The following RAB17 variants were observed in gnomAD, a reference collection of about 807,000 sequenced individuals.
RAB17 encodes the protein RAB17, member RAS oncogene family.
Under a neutral mutation model 19.3 loss-of-function variants are expected in RAB17, and 15 were observed. The ratio of observed to expected loss-of-function variants is 0.78; its 90% CI spans 0.52 to 1.20. RAB17 has a LOEUF of 1.20. RAB17 is among the 50% of genes most tolerant of loss of function. The pLI is 0.00. For missense variants in RAB17, 262 were observed against 269.3 expected (o/e 0.97, Z 0.19); for synonymous variants, 110 against 112.8 (o/e 0.97, Z 0.16).
intron 4 of RAB17, 60 bp downstream of exon 4, chr2:237,577,197 A>G (rs1376372611): frequency 1.3e-6 from 2 of 1,560,296 alleles, no homozygotes; most frequent in African/African-American, 1.4e-5. Context: ...AGGTCTTGAC[A>G]CAGGCGGGCA....
At chr2:237,579,289 A>G (rs1329904299) in intron 2 of RAB17, 1 of 152,254 alleles carries the variant, frequency 6.6e-6, no homozygotes, top group Admixed American at 6.5e-5. Context: ...AGGACAGTGC[A>G]TGAGTGTCCT....
At chr2:237,587,953 A>G (rs1240596198) in intron 1 of RAB17, among the ~76,000 whole-genome samples, 1 of 152,214 alleles carries the variant, frequency 6.6e-6, no homozygotes, top group Non-Finnish European at 1.5e-5. Context: ...GGAGCTGGGA[A>G]CAGTGTCTAG....
At chr2:237,586,269 CTCCCAACTCA>C in intron 1 of RAB17, 112 bp from the exon 2 acceptor site, 1 of 1,158,504 alleles carries the variant, frequency 8.6e-7, no homozygotes, top group Non-Finnish European at 1.2e-6. Context: ...CAATACAGAG[CTCCCAACTCA>C]GAGGCCACCT....
rs563786314 is a variant in RAB17, at chr2:237,574,900, T to C, written c.*119A>G. The C allele has an allele frequency of 3.2e-4, 283 of 888,502 alleles. 3 individuals carry two copies. In the South Asian group the frequency reaches 5.1e-3, roughly 16 times the overall value. 55.0% of individuals were successfully genotyped at this position (888,502 alleles called of 1,614,324 possible). On this transcript the variant is annotated 3_prime_UTR_variant, in exon 6 of 6. Transcript: ENST00000264601. ...GTGGTTTTCATAAAGGGGGCCAACT[T>C]CCAGGAACATCTAGGGCTCGGGAGC...
At chr2:237,579,234 T>C (rs2081290254) in intron 2 of RAB17, 1 of 152,220 alleles carries the variant, frequency 6.6e-6, no homozygotes, top group African/African-American at 2.4e-5. Context: ...TTGGGGAGAT[T>C]CTGGCAAATG....
At chr2:237,586,961 A>G (rs2081355557) in intron 1 of RAB17, among the ~76,000 whole-genome samples, 1 of 152,004 alleles carries the variant, frequency 6.6e-6, no homozygotes. Context: ...TTTTCTTTGC[A>G]GTTCATGTGT....
rs1398226853 is a variant in RAB17 at position 237,577,514 on chromosome 2, C to T, written c.310-132G>A. On this transcript the variant is annotated intron_variant, in intron 3 of 5. Coordinates refer to ENST00000264601, the MANE Select transcript of RAB17 (RefSeq NM_022449.4). ...AGAATCCAACTGGCCATGGGCGCAC[C>T]TGCAGGGCTGCTCCGTTCCTCTGAG... 4.8e-6 allele frequency: 5 copies of T among 1,041,588 alleles called. No individual in the cohort carries two copies. The African/African-American group carries it at 6.4e-5, about 13-fold the overall frequency. The allele number at this position is 1,041,588 out of a possible 1,614,324, so 64.5% of individuals were successfully genotyped here. A position where few individuals can be genotyped will look rare whatever the true frequency, so the allele number is the denominator to read the frequency against.
chr2:237,584,489 AGAG>A (rs149314093), intron 2 of RAB17, among the ~76,000 whole-genome samples: 236 of 152,276 alleles, frequency 1.5e-3, no homozygotes, highest in African/African-American at 5.3e-3. Flanking sequence ...TAGAGTGAAT[AGAG>A]GAGGAGGAAC....
chr2:237,586,731 G>C (rs1469594118), intron 1 of RAB17, among the ~76,000 whole-genome samples: 1 of 152,086 alleles, frequency 6.6e-6, no homozygotes, highest in African/African-American at 2.4e-5. Context: ...AAATAAACGT[G>C]GGCGACCCCT....
At chr2:237,575,719 G>T in intron 4 of RAB17, 1 of 508,596 alleles carries the variant, frequency 2.0e-6, no homozygotes, top group Admixed American at 3.3e-5. Context: ...TCCTCCTCCT[G>T]CAGGGCCTGG....
At chr2:237,582,087 C>T (rs1035627996) in intron 2 of RAB17, among the ~76,000 whole-genome samples, 3 of 150,332 alleles carry the variant, frequency 2.0e-5, no homozygotes, top group Admixed American at 7.0e-5. Context: ...CACTTGGACT[C>T]CCGTCCCTCG....
At chr2:237,575,515 A>G (rs1559393270) in intron 4 of RAB17, 35 bp from the exon 5 acceptor site, 2 of 1,514,818 alleles carry the variant, frequency 1.3e-6, no homozygotes, top group African/African-American at 1.4e-5. Context: ...AGCGCTGTTT[A>G]TAAGAGAGTT....
At chr2:237,587,185 TG>T (rs573424218) in intron 1 of RAB17, among the ~76,000 whole-genome samples, 33 of 152,360 alleles carry the variant, frequency 2.2e-4, no homozygotes, top group Non-Finnish European at 4.6e-4. Flanking sequence ...TGTCTTTCTG[TG>T]ATGTTGGCAG....
rs1318033180 is a variant in RAB17, at chr2:237,586,060, T to C, written c.95A>G (p.Lys32Arg). The C allele has an allele frequency of 6.2e-7, 1 of 1,613,672 alleles. No individual in the cohort carries two copies. The change falls in exon 2 of 6, where the codon AAG (lysine) becomes AGG (arginine). Residue 32 changes from lysine (K) to arginine (R), a missense_variant. Coordinates refer to ENST00000264601, the MANE Select transcript of RAB17 (RefSeq NM_022449.4). ...CACGTACCGAAGAGCCAAGCTGGACTTACCCACGGAGCCACTTCCCAGGAG... is the reference window on the plus strand; with the variant it reads ...CACGTACCGAAGAGCCAAGCTGGACCTACCCACGGAGCCACTTCCCAGGAG... ...LVLLGSGSVG[K>R]SSLALRYVKN...
At chr2:237,588,834 T>C (rs1437180745) in intron 1 of RAB17, among the ~76,000 whole-genome samples, 3 of 152,368 alleles carry the variant, frequency 2.0e-5, no homozygotes, top group Non-Finnish European at 4.4e-5. Context: ...CTGAATTAAC[T>C]GAAACAGGTG....
chr2:237,577,144 TGTGTGCGTGTGTGG>T (rs1340533201), intron 4 of RAB17, 99 bp downstream of exon 4: 6 of 1,273,286 alleles, frequency 4.7e-6, no homozygotes, highest in South Asian at 1.4e-5. Context: ...CATGTGTAAG[TGTGTGCGTGTGTGG>T]GTGTGCGTGT....
At chr2:237,576,835 T>C in intron 4 of RAB17, 1 of 421,608 alleles carries the variant, frequency 2.4e-6, no homozygotes, top group Non-Finnish European at 4.9e-6. Flanking sequence ...GGGAACAGAG[T>C]AGGGAAGGGA....
At chr2:237,587,534 A>G (rs564138404) in intron 1 of RAB17, among the ~76,000 whole-genome samples, 1 of 152,334 alleles carries the variant, frequency 6.6e-6, no homozygotes, top group Admixed American at 6.5e-5. Context: ...CCCTGCAGGG[A>G]TAAGAGGGGA....
At chr2:237,590,007 A>G (rs1352298653) in intron 1 of RAB17, among the ~76,000 whole-genome samples, 1 of 152,214 alleles carries the variant, frequency 6.6e-6, no homozygotes, top group Admixed American at 6.5e-5. Flanking sequence ...TTCAGAATAC[A>G]GCCATCTGAT....
Sources: allele counts gnomAD v4.1 joint callset (sites outside exome capture counted in the v4.1 genomes callset), GRCh38; gene constraint gnomAD v4.1.1; transcripts MANE v1.5; gene names NCBI Gene and HGNC (gene_info 2026-07-23, HGNC 2026-07-21).